Variants in POLGARF observed in about 807,000 individuals in gnomAD.
The protein encoded by POLGARF is POLG alternative reading frame.
chr15:89,333,081 C>G, the POLGARF span: 3 of 1,510,106 alleles, frequency 2.0e-6, no homozygotes, highest in Non-Finnish European at 2.7e-6. Flanking sequence ...TGTCCCCAAC[C>G]CTGCCCCTAC....
chr15:89,333,244 A>G, the POLGARF span: 1 of 1,576,986 alleles, frequency 6.3e-7, no homozygotes, highest in East Asian at 2.3e-5. Context: ...CCCTCCGCCC[A>G]GGCCCAAGCC....
At chr15:89,330,366 G>GCACCATCTGGC in the POLGARF span, 1 of 1,008,214 alleles carries the variant, frequency 9.9e-7, no homozygotes. Context: ...CCACATGCCA[G>GCACCATCTGGC]ATGGTGCATT....
At chr15:89,333,011 CAG>C in the POLGARF span, 2 of 1,484,910 alleles carry the variant, frequency 1.3e-6, no homozygotes, top group Non-Finnish European at 1.8e-6. Context: ...CAGCCCGTAA[CAG>C]GACCTCAGAA....
chr15:89,330,357 C>T, the POLGARF span: 1 of 1,090,608 alleles, frequency 9.2e-7, no homozygotes, highest in Non-Finnish European at 1.4e-6. Context: ...CACCTACCGC[C>T]ACATGCCAGA....
chr15:89,333,569 T>C, the POLGARF span: 60 of 1,610,600 alleles, frequency 3.7e-5, no homozygotes, highest in Admixed American at 4.7e-4. Flanking sequence ...CCTCCGAGGA[T>C]AGCACTTGCG....
At chr15:89,331,960 G>C in the POLGARF span, among the ~76,000 whole-genome samples, 7 of 152,118 alleles carry the variant, frequency 4.6e-5, no homozygotes, top group African/African-American at 1.7e-4. Flanking sequence ...GAAAGAAGGA[G>C]AAAGAGAAAA....
At chr15:89,333,668 G>A in the POLGARF span, 222 of 1,559,800 alleles carry the variant, frequency 1.4e-4, no homozygotes, top group Non-Finnish European at 1.8e-4. Flanking sequence ...ACGCGGGGAC[G>A]GAGCTGGAGA....
the POLGARF span, chr15:89,333,686 C>T: frequency 6.5e-6 from 10 of 1,545,696 alleles, no homozygotes; most frequent in South Asian, 4.7e-5. Flanking sequence ...AGACCCAGCG[C>T]CCCGGAGCTG....
the POLGARF span, chr15:89,330,221 G>T: frequency 6.2e-7 from 1 of 1,613,434 alleles, no homozygotes; most frequent in Non-Finnish European, 8.5e-7. Context: ...GCCGGCGACA[G>T]CTGGCTGGTC....
chr15:89,330,636 C>T, the POLGARF span, among the ~76,000 whole-genome samples: 1 of 152,044 alleles, frequency 6.6e-6, no homozygotes, highest in Admixed American at 6.6e-5. Flanking sequence ...ATTATCAACC[C>T]CTCACGTCTA....
the POLGARF span, chr15:89,333,448 T>C: frequency 1.2e-6 from 2 of 1,610,422 alleles, no homozygotes; most frequent in South Asian, 1.1e-5. Flanking sequence ...TGCTCGACGC[T>C]GCGGCGCACC....
At chr15:89,331,844 G>A in the POLGARF span, among the ~76,000 whole-genome samples, 3 of 148,096 alleles carry the variant, frequency 2.0e-5, no homozygotes, top group Non-Finnish European at 4.4e-5. Flanking sequence ...AGTGACTTCT[G>A]CCATCAGGTC....
At chr15:89,332,014 T>A in the POLGARF span, among the ~76,000 whole-genome samples, 2 of 152,144 alleles carry the variant, frequency 1.3e-5, no homozygotes, top group African/African-American at 4.8e-5. Context: ...GACCGACAGA[T>A]CAAAAAACAA....
the POLGARF span, among the ~76,000 whole-genome samples, chr15:89,331,052 A>C: frequency 0.032 from 4,801 of 152,280 alleles, 183 homozygotes; most frequent in African/African-American, 0.094. Context: ...AGATTATTCT[A>C]AACAATCAAG....
the POLGARF span, chr15:89,333,326 G>A: frequency 6.4e-7 from 1 of 1,558,906 alleles, no homozygotes; most frequent in East Asian, 2.4e-5. Context: ...TCTGCTTCTG[G>A]GCCAGGAGGC....
the POLGARF span, chr15:89,333,621 T>C: frequency 5.5e-4 from 883 of 1,599,410 alleles, 6 homozygotes; most frequent in African/African-American, 9.9e-3. Flanking sequence ...CTGCTGCTGC[T>C]GCTGCTGCCG....
chr15:89,330,307 C>G, the POLGARF span: 2 of 1,558,958 alleles, frequency 1.3e-6, no homozygotes, highest in Non-Finnish European at 1.8e-6. Context: ...GCAGGTTCAC[C>G]ATGGAGACAT....
chr15:89,333,119 C>T, the POLGARF span: 1 of 1,523,074 alleles, frequency 6.6e-7, no homozygotes, highest in Non-Finnish European at 8.8e-7. Flanking sequence ...ATATGGCCAC[C>T]GCCAATGTGG....
chr15:89,333,278 C>T, the POLGARF span: 2 of 1,559,758 alleles, frequency 1.3e-6, no homozygotes, highest in Non-Finnish European at 1.7e-6. Flanking sequence ...GCAGCTGGGC[C>T]TGCAACAGCA....
Sources: gnomAD v4.1 joint callset for allele counts (sites outside exome capture counted in the v4.1 genomes callset) on GRCh38, gnomAD v4.1.1 for gene constraint, MANE v1.5 for transcripts, NCBI Gene and HGNC (gene_info 2026-07-23, HGNC 2026-07-21) for gene names.